ALK: variants seen among roughly 807,000 people sequenced by gnomAD.
ALK encodes ALK receptor tyrosine kinase.
ALK carries 74 observed loss-of-function variants against 163.1 expected under a neutral mutation model. That is an observed-to-expected ratio of 0.45 (90% confidence interval 0.38 to 0.55). ALK has a LOEUF of 0.55. ALK is among the 20% of genes least tolerant of loss of function. ALK has a pLI of 0.00. For missense variants in ALK, 2,063 were observed against 2,105.3 expected (o/e 0.98, Z 0.39); for synonymous variants, 960 against 843.2 (o/e 1.14, Z -2.40).
At chr2:29,390,578 GA>G (rs11404229) in intron 4 of ALK, among the ~76,000 whole-genome samples, 23 of 146,082 alleles carry the variant, frequency 1.6e-4, no homozygotes, top group East Asian at 1.2e-3. Flanking sequence ...GAAAGAAAGA[GA>G]AAAAAAAAAA....
At chr2:29,566,294 T>G (rs985893345) in intron 3 of ALK, among the ~76,000 whole-genome samples, 1 of 152,218 alleles carries the variant, frequency 6.6e-6, no homozygotes, top group African/African-American at 2.4e-5. Flanking sequence ...ACACCGAGTT[T>G]GCCAGAACTT....
rs1270501196 is a variant in ALK at position 29,222,383 on chromosome 2, T to A, written c.3476A>T (p.Gln1159Leu). 3 of 1,613,952 alleles carry A rather than the reference T, an allele frequency of 1.9e-6. No individual in the cohort carries two copies. In the East Asian group the frequency reaches 6.7e-5, roughly 36 times the overall value. The stretch of plus-strand genomic sequence containing the variant: ...TTCCATGAGGAAATCCAGTTCGTCC[T>A]GTTCAGAGCACACTTCAGGCAGCGT... ...VKTLPEVCSE[Q>L]DELDFLMEAL... is the part of the protein sequence containing the mutation. Residue 1159 changes from glutamine to leucine, a missense_variant, in exon 22 of 29, where the codon CAG (glutamine) becomes CTG (leucine). This residue lies in a region of ALK where 575 missense variants were observed against 626.6 expected (regional missense o/e 0.92). Coordinates refer to ENST00000389048, the MANE Select transcript of ALK (RefSeq NM_004304.5).
At chr2:29,767,603 C>A (rs995824829) in intron 1 of ALK, among the ~76,000 whole-genome samples, 4 of 152,096 alleles carry the variant, frequency 2.6e-5, no homozygotes, top group African/African-American at 9.7e-5. Flanking sequence ...CATTAGGATG[C>A]GTGTATTCAT....
intron 4 of ALK, among the ~76,000 whole-genome samples, chr2:29,491,785 G>A (rs1242909937): frequency 6.6e-6 from 1 of 152,124 alleles, no homozygotes; most frequent in Admixed American, 6.5e-5. Context: ...TGACTAAAGG[G>A]GCAGGGAGTG....
intron 1 of ALK, among the ~76,000 whole-genome samples, chr2:29,725,154 C>CAAAAAAAAAAAAAAAAAAAAAA: frequency 1.5e-5 from 1 of 67,394 alleles, no homozygotes; most frequent in African/African-American, 6.8e-5. Context: ...TATCCTATAC[C>CAAAAAAAAAAAAAAAAAAAAAA]AAAAAAAAAA....
chr2:29,333,391 C>G (rs185529286), intron 5 of ALK, among the ~76,000 whole-genome samples: 6 of 152,330 alleles, frequency 3.9e-5, no homozygotes, highest in Admixed American at 3.9e-4. Context: ...CAGGCATAAG[C>G]TATCGTGCCC....
At chr2:29,799,222 T>C (rs1303751180) in intron 1 of ALK, among the ~76,000 whole-genome samples, 6 of 152,200 alleles carry the variant, frequency 3.9e-5, no homozygotes, top group African/African-American at 1.2e-4. Context: ...CTTTTGAGTG[T>C]TGAAAAGAAA....
At chr2:29,917,551 T>C (rs1433707183) in intron 1 of ALK, among the ~76,000 whole-genome samples, 2 of 152,230 alleles carry the variant, frequency 1.3e-5, no homozygotes, top group Admixed American at 1.3e-4. Context: ...TAGCAAGGTG[T>C]ATCTACTCCA....
At chr2:29,292,211 T>C (rs1666047189) in intron 9 of ALK, among the ~76,000 whole-genome samples, 1 of 152,196 alleles carries the variant, frequency 6.6e-6, no homozygotes, top group Admixed American at 6.5e-5. Flanking sequence ...GTGTGATAAG[T>C]TGTGTACTTT....
chr2:29,552,012 T>C (rs4666248), intron 3 of ALK, among the ~76,000 whole-genome samples: 128,077 of 151,616 alleles, frequency 0.84, 54,463 homozygotes, highest in Non-Finnish European at 0.9. Context: ...AACAATAACT[T>C]TCCATTAATC....
chr2:29,321,606 C>T (rs1339332366), intron 6 of ALK, among the ~76,000 whole-genome samples: 1 of 152,198 alleles, frequency 6.6e-6, no homozygotes, highest in African/African-American at 2.4e-5. Flanking sequence ...GCTGAAACAA[C>T]CAATGAAAGT....
chr2:29,554,218 T>C (rs1673786814), intron 3 of ALK, among the ~76,000 whole-genome samples: 1 of 152,196 alleles, frequency 6.6e-6, no homozygotes, highest in Admixed American at 6.5e-5. Context: ...AGCATAATTA[T>C]ATTCATAGAT....
rs1667338201 is a variant in ALK, at chr2:29,328,375, C to G, written c.1389G>C (p.Gln463His). 2 of 1,614,184 alleles carry G rather than the reference C, an allele frequency of 1.2e-6. No individual in the cohort carries two copies. The highest frequency in any genetic ancestry group is 2.7e-5 in the African/African-American group (2 of 75,052). ...GGCACATCTGGCTCTCATCTTCTCCCTGGGCACAGTCCTGGTGGAAGTCAC... is the reference window on the plus strand; with the variant it reads ...GGCACATCTGGCTCTCATCTTCTCCGTGGGCACAGTCCTGGTGGAAGTCAC... ...QACDFHQDCA[Q>H]GEDESQMCRK... Residue 463 changes from glutamine (Q) to histidine (H), a missense_variant, in exon 6 of 29, where the codon CAG (glutamine) becomes CAC (histidine). By Grantham distance (24) the Gln-to-His change is conservative (BLOSUM62 0). Around this residue, in one of 5 missense-constraint regions of ALK, gnomAD observed 987 missense variants for 939.5 expected, o/e 1.05. Coordinates refer to ENST00000389048, the MANE Select transcript of ALK (RefSeq NM_004304.5).
chr2:29,261,024 G>C lies in ALK; in HGVS notation c.2042-9757C>G, dbSNP rs75195048. Among the ~76,000 whole-genome samples the C allele has an allele frequency of 9.4e-3, 1,428 of 152,024 alleles. 11 individuals are homozygous for C. Among genetic ancestry groups the C allele is most frequent in the Middle Eastern group, 0.031 (9 of 294 alleles). ...CAAGTGGGCCCTTTCCTGCAATGAC[G>C]TTTGCTGGCCAGGCTGCTCCAGCGC... On this transcript the variant is annotated intron_variant, in intron 11 of 28. Transcript: ENST00000389048.
chr2:29,523,118 C>T (rs912390869), intron 4 of ALK, among the ~76,000 whole-genome samples: 1 of 152,056 alleles, frequency 6.6e-6, no homozygotes, highest in African/African-American at 2.4e-5. Context: ...TAAGGAACCC[C>T]GGGCAGGAGG....
intron 5 of ALK, among the ~76,000 whole-genome samples, chr2:29,360,480 G>A (rs113159256): frequency 0.02 from 3,086 of 152,276 alleles, 115 homozygotes; most frequent in African/African-American, 0.07. Flanking sequence ...CTGACACAAG[G>A]CTCGTCCTGC....
intron 2 of ALK, among the ~76,000 whole-genome samples, chr2:29,705,654 C>G (rs1193402619): frequency 6.6e-6 from 1 of 152,142 alleles, no homozygotes; most frequent in Non-Finnish European, 1.5e-5. Context: ...TGTGCCATTA[C>G]TAGCTCCACA....
At chr2:29,547,144 T>C (rs1171736182) in intron 3 of ALK, among the ~76,000 whole-genome samples, 1 of 152,250 alleles carries the variant, frequency 6.6e-6, no homozygotes, top group African/African-American at 2.4e-5. Context: ...TAGAATGTTC[T>C]AGGCTTCTAA....
chr2:29,375,550 C>T, intron 5 of ALK, among the ~76,000 whole-genome samples: 1 of 152,118 alleles, frequency 6.6e-6, no homozygotes, highest in Non-Finnish European at 1.5e-5. Context: ...ATCTCCTGAC[C>T]TCGTGATCTG....
Sources: gnomAD v4.1 joint callset for allele counts (sites outside exome capture counted in the v4.1 genomes callset) on GRCh38, gnomAD v4.1.1 for gene constraint, gnomAD v4.1.1 regional missense constraint, MANE v1.5 for transcripts, NCBI Gene and HGNC (gene_info 2026-07-23, HGNC 2026-07-21) for gene names.